The following LGSN variants were observed in gnomAD, a reference collection of about 807,000 sequenced individuals.
The protein encoded by LGSN is lengsin, lens protein with glutamine synthetase domain, also known as lengsin.
Under a neutral mutation model 19.5 loss-of-function variants are expected in LGSN, and 21 were observed. That is an observed-to-expected ratio of 1.07 (90% CI 0.76 to 1.55). The LOEUF (loss-of-function observed/expected upper bound fraction) is 1.55, where lower values mean the gene tolerates loss of function less well. Among genes scored for constraint, LGSN ranks in the 40% most tolerant of loss-of-function variants. The probability of loss-of-function intolerance (pLI) is 0.00; values close to 1 mark genes in which losing one functional copy is unlikely to be tolerated. For missense variants in LGSN, 673 were observed against 608.5 expected (o/e 1.11, Z -1.12); for synonymous variants, 257 against 215.6 (o/e 1.19, Z -1.68).
At chr6:63,557,235 C>T in the LGSN span, among the ~76,000 whole-genome samples, 1 of 152,012 alleles carries the variant, frequency 6.6e-6, no homozygotes, top group African/African-American at 2.4e-5. Flanking sequence ...AATGGAATAC[C>T]TGTGTTGATG....
the LGSN span, among the ~76,000 whole-genome samples, chr6:63,483,389 A>C: frequency 6.7e-6 from 1 of 150,230 alleles, no homozygotes; most frequent in Admixed American, 6.6e-5. Context: ...TTTTTGAGAC[A>C]GAGTTTCACT....
chr6:63,357,658 T>C, the LGSN span, among the ~76,000 whole-genome samples: 1 of 152,220 alleles, frequency 6.6e-6, no homozygotes, highest in African/African-American at 2.4e-5. Context: ...TCATATCCTT[T>C]GCCCACTTGT....
At chr6:63,471,042 G>A in the LGSN span, among the ~76,000 whole-genome samples, 1 of 148,528 alleles carries the variant, frequency 6.7e-6, no homozygotes, top group East Asian at 2.0e-4. Context: ...CCAGGTTCAA[G>A]TGATTCTCCT....
the LGSN span, among the ~76,000 whole-genome samples, chr6:63,481,134 G>A: frequency 1.3e-5 from 2 of 151,852 alleles, no homozygotes; most frequent in Non-Finnish European, 2.9e-5. Flanking sequence ...CCAAAAAACC[G>A]TGTGTTCTCA....
the LGSN span, among the ~76,000 whole-genome samples, chr6:63,511,229 T>C: frequency 6.6e-6 from 1 of 151,148 alleles, no homozygotes; most frequent in Non-Finnish European, 1.5e-5. Flanking sequence ...GTCAAGCTTA[T>C]ACAAGTAAAT....
At chr6:63,511,958 A>T in the LGSN span, among the ~76,000 whole-genome samples, 4 of 152,208 alleles carry the variant, frequency 2.6e-5, no homozygotes, top group African/African-American at 9.6e-5. Flanking sequence ...AGATTGAAAA[A>T]ATTAAAAGTG....
intron 3 of LGSN, 77 bp from the exon 4 acceptor site, chr6:63,281,297 T>C: frequency 4.9e-6 from 1 of 202,366 alleles, no homozygotes; most frequent in Non-Finnish European, 8.1e-6. Context: ...AAAGCCTTGC[T>C]AATGAAAATA....
chr6:63,318,805 G>C (rs956987912), intron 1 of LGSN, among the ~76,000 whole-genome samples: 2 of 152,174 alleles, frequency 1.3e-5, no homozygotes, highest in African/African-American at 4.8e-5. Flanking sequence ...ATCAGAAGTA[G>C]TAAGTAAAAC....
At chr6:63,363,805 A>T in the LGSN span, among the ~76,000 whole-genome samples, 1 of 152,228 alleles carries the variant, frequency 6.6e-6, no homozygotes, top group African/African-American at 2.4e-5. Flanking sequence ...AACTTCCCCA[A>T]CCTAGCAAAG....
upstream of LGSN, among the ~76,000 whole-genome samples, chr6:63,321,556 T>C (rs1471727578): frequency 6.6e-6 from 1 of 152,210 alleles, no homozygotes; most frequent in Non-Finnish European, 1.5e-5. Context: ...TCAATGTGTA[T>C]CCATGATTTT....
At chr6:63,557,869 T>C in the LGSN span, among the ~76,000 whole-genome samples, 292 of 152,212 alleles carry the variant, frequency 1.9e-3, 1 homozygote, top group African/African-American at 5.5e-3. Flanking sequence ...CAGATATGCA[T>C]TTTTTAAAAT....
chr6:63,486,541 A>G, the LGSN span, among the ~76,000 whole-genome samples: 1 of 152,212 alleles, frequency 6.6e-6, no homozygotes, highest in Non-Finnish European at 1.5e-5. Flanking sequence ...CCCAGGTCCC[A>G]GGGCAAAGAT....
the LGSN span, among the ~76,000 whole-genome samples, chr6:63,405,123 A>G: frequency 1.3e-5 from 2 of 151,740 alleles, no homozygotes; most frequent in Admixed American, 6.6e-5. Flanking sequence ...TGTCCCTACA[A>G]AGGACATGAA....
the LGSN span, among the ~76,000 whole-genome samples, chr6:63,326,983 G>A: frequency 6.6e-6 from 1 of 152,232 alleles, no homozygotes; most frequent in Non-Finnish European, 1.5e-5. Context: ...AGCGAGCGAG[G>A]GCTGTGAGGA....
At chr6:63,348,607 T>C in the LGSN span, among the ~76,000 whole-genome samples, 765 of 152,288 alleles carry the variant, frequency 5.0e-3, 4 homozygotes, top group Non-Finnish European at 8.5e-3. Context: ...AAGGCACTAG[T>C]AGATGTTGAA....
chr6:63,358,298 A>T, the LGSN span, among the ~76,000 whole-genome samples: 1 of 152,068 alleles, frequency 6.6e-6, no homozygotes, highest in Non-Finnish European at 1.5e-5. Context: ...TTGGCTTAGG[A>T]TTGTCTTGGC....
chr6:63,433,169 G>T, the LGSN span, among the ~76,000 whole-genome samples: 25 of 151,788 alleles, frequency 1.6e-4, no homozygotes, highest in African/African-American at 6.0e-4. Context: ...GGGAAAGTTG[G>T]GGGGGTGGTA....
At chr6:63,439,834 A>G in the LGSN span, among the ~76,000 whole-genome samples, 1 of 152,110 alleles carries the variant, frequency 6.6e-6, no homozygotes, top group African/African-American at 2.4e-5. Context: ...CAGATATCGA[A>G]CCTTCTCTCT....
chr6:63,364,227 G>C, the LGSN span, among the ~76,000 whole-genome samples: 1 of 151,806 alleles, frequency 6.6e-6, no homozygotes, highest in African/African-American at 2.4e-5. Context: ...TAAAGGGATG[G>C]AGGAAGATCT....
Sources: allele counts gnomAD v4.1 joint callset (sites outside exome capture counted in the v4.1 genomes callset), GRCh38; gene constraint gnomAD v4.1.1; transcripts MANE v1.5; gene names NCBI Gene and HGNC (gene_info 2026-07-23, HGNC 2026-07-21).